NUFIP1: variants seen among roughly 807,000 people sequenced by gnomAD.
NUFIP1 encodes the protein nuclear FMR1 interacting protein 1, also known as FMR1-interacting protein NUFIP1.
In NUFIP1, 38 loss-of-function variants were observed where a neutral mutation model predicts 56.2. That is an observed-to-expected ratio of 0.68 (90% CI 0.52 to 0.89). The LOEUF is 0.89. Among genes scored for constraint, NUFIP1 ranks in the 40% least tolerant of loss-of-function variants. NUFIP1 has a pLI of 0.00. For missense variants in NUFIP1, 567 were observed against 605.8 expected (o/e 0.94, Z 0.67); for synonymous variants, 215 against 212.4 (o/e 1.01, Z -0.10).
At chr13:44,967,608 G>T (rs1012747781) in intron 5 of NUFIP1, among the ~76,000 whole-genome samples, 5 of 152,174 alleles carry the variant, frequency 3.3e-5, no homozygotes, top group African/African-American at 1.2e-4. Flanking sequence ...GGAGACTCAG[G>T]CCAAAATGTG....
At chr13:44,965,802 T>A in intron 6 of NUFIP1, 42 bp downstream of exon 6, 1 of 1,195,110 alleles carries the variant, frequency 8.4e-7, no homozygotes, top group Non-Finnish European at 1.2e-6. Flanking sequence ...TAAGATTTTG[T>A]TTTGTGCTCC....
At chr13:44,953,536 T>C (rs1566057475) in intron 7 of NUFIP1, among the ~76,000 whole-genome samples, 1 of 152,214 alleles carries the variant, frequency 6.6e-6, no homozygotes, top group South Asian at 2.1e-4. Context: ...TGGGTATTTA[T>C]TCTATTCTGA....
intron 8 of NUFIP1, among the ~76,000 whole-genome samples, chr13:44,944,538 A>T (rs1167796311): frequency 6.6e-6 from 1 of 152,152 alleles, no homozygotes; most frequent in East Asian, 1.9e-4. Flanking sequence ...TTAAAGAAAA[A>T]TTGGACAGAA....
chr13:44,949,131 C>T (rs918040609), intron 8 of NUFIP1, among the ~76,000 whole-genome samples: 2 of 150,638 alleles, frequency 1.3e-5, no homozygotes, highest in African/African-American at 4.9e-5. Flanking sequence ...TTTGCCATTT[C>T]GTTTAGAATT....
intron 7 of NUFIP1, among the ~76,000 whole-genome samples, chr13:44,951,542 T>A (rs983719021): frequency 3.9e-5 from 6 of 152,220 alleles, no homozygotes; most frequent in African/African-American, 1.4e-4. Context: ...TATCAAAGTG[T>A]CTTTATGGTC....
intron 5 of NUFIP1, among the ~76,000 whole-genome samples, chr13:44,968,133 G>A (rs184910885): frequency 3.9e-4 from 59 of 152,024 alleles, no homozygotes; most frequent in African/African-American, 1.3e-3. Context: ...TATATATCCA[G>A]TCAAGAAAAA....
intron 5 of NUFIP1, among the ~76,000 whole-genome samples, chr13:44,977,425 C>T (rs1178360219): frequency 6.6e-6 from 1 of 152,186 alleles, no homozygotes; most frequent in Non-Finnish European, 1.5e-5. Flanking sequence ...ATATTTAGTT[C>T]AGCTGGTATT....
chr13:44,962,880 G>A lies in NUFIP1; in HGVS notation c.827+2964C>T, dbSNP rs948232652. 2.6e-5 allele frequency among the ~76,000 whole-genome samples: 4 copies of A among 152,114 alleles called. No homozygotes were observed. The East Asian group carries it at 7.7e-4, about 29-fold the overall frequency. ...GTTACAACTGGATACAGTAACACAC[G>A]GTACAGGGCTGTAGCCTAAGAGCAA... is the stretch of plus-strand genomic sequence containing the variant. On this transcript the variant is annotated intron_variant, in intron 6 of 9. Transcript: ENST00000379161.
chr13:44,941,440 T>C, intron 9 of NUFIP1, 118 bp from the exon 10 acceptor site: 1 of 573,884 alleles, frequency 1.7e-6, no homozygotes, highest in Non-Finnish European at 3.1e-6. Context: ...GAAATATGTA[T>C]TATATTCACT....
intron 6 of NUFIP1, among the ~76,000 whole-genome samples, chr13:44,962,714 C>T (rs554308653): frequency 2.6e-5 from 4 of 152,182 alleles, no homozygotes; most frequent in African/African-American, 4.8e-5. Flanking sequence ...ACCACTCACT[C>T]GCTGACTCAC....
At chr13:44,956,162 AG>A (rs376862919) in intron 7 of NUFIP1, among the ~76,000 whole-genome samples, 70 of 150,500 alleles carry the variant, frequency 4.7e-4, no homozygotes, top group Non-Finnish European at 9.1e-4. Context: ...AAAAAAAAAA[AG>A]AATCTCATAT....
At chr13:44,956,007 G>A (rs1431587710) in intron 7 of NUFIP1, among the ~76,000 whole-genome samples, 1 of 151,722 alleles carries the variant, frequency 6.6e-6, no homozygotes, top group Non-Finnish European at 1.5e-5. Flanking sequence ...GCCGGGCGAG[G>A]TGGCGGGCGC....
chr13:44,987,593 AT>A (rs1289558735), intron 1 of NUFIP1, among the ~76,000 whole-genome samples: 7 of 152,246 alleles, frequency 4.6e-5, no homozygotes, highest in African/African-American at 9.6e-5. Context: ...CAAAAAAAAA[AT>A]AATTGTGTGA....
chr13:44,960,683 G>A (rs767613819), intron 6 of NUFIP1, among the ~76,000 whole-genome samples: 1 of 152,074 alleles, frequency 6.6e-6, no homozygotes, highest in African/African-American at 2.4e-5. Flanking sequence ...TGCTTTATAG[G>A]CCTATCAGAA....
chr13:44,985,704 G>A (rs1485934339), intron 1 of NUFIP1, among the ~76,000 whole-genome samples: 2 of 152,154 alleles, frequency 1.3e-5, no homozygotes, highest in Non-Finnish European at 2.9e-5. Flanking sequence ...TAAATGCTGT[G>A]TATGTTCTAA....
In NUFIP1 at chr13:44,989,214, G is replaced by C; in HGVS notation, c.223C>G (p.Pro75Ala). 6.2e-7 allele frequency: 1 copy of C among 1,611,532 alleles called. No homozygotes were observed. The highest frequency in any genetic ancestry group is 8.5e-7 in the Non-Finnish European group (1 of 1,178,852). ...SQPPMEAQSLPGAPPPFDAQI... is the reference protein window; with the variant it reads ...SQPPMEAQSLAGAPPPFDAQI... ...GCGTCGAAGGGGGGCGGAGCCCCGG[G>C]GAGAGACTGGGCCTCCATGGGGGGC... Residue 75 changes from proline to alanine, a missense_variant, in exon 1 of 10, where the codon CCC becomes GCC. By Grantham distance (27) the Pro-to-Ala change is conservative. Transcript: ENST00000379161.
At chr13:44,968,420 A>G (rs1031552893) in intron 5 of NUFIP1, among the ~76,000 whole-genome samples, 11 of 151,942 alleles carry the variant, frequency 7.2e-5, no homozygotes, top group African/African-American at 2.7e-4. Flanking sequence ...AAAAAAAAAA[A>G]AAGACTTGGA....
chr13:44,980,071 G>A lies in NUFIP1; in HGVS notation c.595-119C>T, dbSNP rs1050346132. 10 of 642,768 alleles carry A rather than the reference G, an allele frequency of 1.6e-5. No individual in the cohort carries two copies. The East Asian group carries it at 2.1e-4, about 14-fold the overall frequency. The allele number at this position is 642,768 out of a possible 1,614,324, so 39.8% of individuals were successfully genotyped here. The stretch of plus-strand genomic sequence containing the variant: ...ATTACATAGTTATCCCATCTGTATA[G>A]TATTATCTCTGCATACAAAAATGAC... On this transcript the variant is annotated intron_variant, in intron 3 of 9. Coordinates refer to ENST00000379161, the MANE Select transcript of NUFIP1 (RefSeq NM_012345.3).
intron 5 of NUFIP1, among the ~76,000 whole-genome samples, chr13:44,970,380 G>A (rs1443441702): frequency 6.6e-6 from 1 of 152,216 alleles, no homozygotes; most frequent in Non-Finnish European, 1.5e-5. Context: ...GAAGCCATAT[G>A]CCAAGCAAAC....
Sources: gnomAD v4.1 joint callset for allele counts (sites outside exome capture counted in the v4.1 genomes callset) on GRCh38, gnomAD v4.1.1 for gene constraint, MANE v1.5 for transcripts, NCBI Gene and HGNC (gene_info 2026-07-23, HGNC 2026-07-21) for gene names.